Variants in ZC3H12B observed in about 807,000 individuals in gnomAD.
The protein encoded by ZC3H12B is zinc finger CCCH-type containing 12B, also known as probable ribonuclease ZC3H12B.
Under a neutral mutation model 43.9 loss-of-function variants are expected in ZC3H12B, and 7 were observed. That is an observed-to-expected ratio of 0.16 (90% confidence interval 0.09 to 0.30). The LOEUF is 0.30. Ranked by LOEUF, ZC3H12B falls within the 10% of genes least tolerant of loss-of-function variation. The probability of loss-of-function intolerance (pLI) is 1.00; values close to 1 mark genes in which losing one functional copy is unlikely to be tolerated. For synonymous variants in ZC3H12B, 222 were observed against 241.7 expected, an observed-to-expected ratio of 0.92 and a Z score of 0.76; for missense variants, 475 against 670.2, an observed-to-expected ratio of 0.71 and a Z score of 3.22.
the ZC3H12B span, among the ~76,000 whole-genome samples, chrX:65,231,487 A>G: frequency 9.0e-6 from 1 of 110,858 alleles, no homozygotes; most frequent in Non-Finnish European, 1.9e-5. Context: ...CTCAATCCTT[A>G]TCTTAACCGC....
At chrX:65,103,413 A>T in the ZC3H12B span, among the ~76,000 whole-genome samples, 2 of 111,925 alleles carry the variant, frequency 1.8e-5, no homozygotes, top group East Asian at 5.6e-4. Context: ...CAAGGTGCCC[A>T]GATTTCATAT....
chrX:65,211,198 G>A, the ZC3H12B span, among the ~76,000 whole-genome samples: 6 of 108,466 alleles, frequency 5.5e-5, 1 homozygote, highest in Admixed American at 6.0e-4. Flanking sequence ...TGTAGATTCT[G>A]GATATTAGCC....
At chrX:65,354,148 C>G in the ZC3H12B span, among the ~76,000 whole-genome samples, 1 of 112,274 alleles carries the variant, frequency 8.9e-6, no homozygotes, top group South Asian at 3.7e-4. Context: ...AAGTGGGTCC[C>G]TAACTCCTGT....
At chrX:65,169,960 A>C in the ZC3H12B span, among the ~76,000 whole-genome samples, 7 of 111,854 alleles carry the variant, frequency 6.3e-5, no homozygotes, top group South Asian at 1.9e-3. Context: ...TGAATACAGC[A>C]TACTGATGGG....
the ZC3H12B span, among the ~76,000 whole-genome samples, chrX:65,084,701 G>C: frequency 3.5e-5 from 4 of 112,728 alleles, no homozygotes; most frequent in African/African-American, 9.7e-5. Flanking sequence ...TAGTTTGGAG[G>C]CTCCTCACAA....
At chrX:65,257,021 C>T in the ZC3H12B span, among the ~76,000 whole-genome samples, 3 of 111,967 alleles carry the variant, frequency 2.7e-5, no homozygotes, top group Non-Finnish European at 3.8e-5. Flanking sequence ...TAAACTAGTT[C>T]AACAATTGTG....
the ZC3H12B span, among the ~76,000 whole-genome samples, chrX:65,307,346 A>G: frequency 1.8e-5 from 2 of 111,790 alleles, no homozygotes; most frequent in African/African-American, 6.5e-5. Flanking sequence ...AGCACCCTCA[A>G]ATGCCTAAGG....
chrX:65,369,629 C>T (rs2066218839), intron 2 of ZC3H12B, among the ~76,000 whole-genome samples: 1 of 111,394 alleles, frequency 9.0e-6, no homozygotes, highest in Admixed American at 9.6e-5. Context: ...TTTACAACCA[C>T]AATATATGCA....
chrX:65,180,297 T>A, the ZC3H12B span, among the ~76,000 whole-genome samples: 1 of 111,912 alleles, frequency 8.9e-6, no homozygotes, highest in Non-Finnish European at 1.9e-5. Flanking sequence ...TTTGATAAAT[T>A]TCAACATCTC....
the ZC3H12B span, chrX:65,331,123 G>A: frequency 3.4e-6 from 1 of 290,391 alleles, no homozygotes; most frequent in Non-Finnish European, 6.7e-6. Flanking sequence ...TCACTTGTTT[G>A]TCCTTTATGG....
chrX:65,153,945 T>C, the ZC3H12B span, among the ~76,000 whole-genome samples: 1 of 110,411 alleles, frequency 9.1e-6, no homozygotes, highest in African/African-American at 3.3e-5. Context: ...ATGGATGAAA[T>C]TGGAAATCAT....
At chrX:65,182,519 A>T in the ZC3H12B span, among the ~76,000 whole-genome samples, 1 of 111,466 alleles carries the variant, frequency 9.0e-6, no homozygotes, top group East Asian at 2.8e-4. Flanking sequence ...AGGCCATGGC[A>T]AAGATTTCAT....
the ZC3H12B span, among the ~76,000 whole-genome samples, chrX:65,187,833 A>G: frequency 9.1e-6 from 1 of 110,426 alleles, no homozygotes; most frequent in African/African-American, 3.3e-5. Context: ...ATTTTTAGTT[A>G]TTTTAAAATA....
the ZC3H12B span, among the ~76,000 whole-genome samples, chrX:65,300,049 G>A: frequency 8.9e-6 from 1 of 112,560 alleles, no homozygotes; most frequent in Middle Eastern, 4.6e-3. Flanking sequence ...TCTCACAAGG[G>A]TGTTTGGGTA....
At chrX:65,170,360 C>A in the ZC3H12B span, among the ~76,000 whole-genome samples, 1 of 111,829 alleles carries the variant, frequency 8.9e-6, no homozygotes, top group Non-Finnish European at 1.9e-5. Context: ...TGAATATTTG[C>A]CCCCACTGTC....
chrX:65,336,323 C>A, the ZC3H12B span, among the ~76,000 whole-genome samples: 2 of 111,144 alleles, frequency 1.8e-5, no homozygotes, highest in African/African-American at 6.5e-5. Context: ...GGCAACCCAG[C>A]CCGCTACACC....
chrX:65,186,947 G>C, the ZC3H12B span, among the ~76,000 whole-genome samples: 1 of 111,655 alleles, frequency 9.0e-6, no homozygotes, highest in East Asian at 2.8e-4. Context: ...GTGGGCATTT[G>C]GGCTGGTTCC....
At chrX:65,073,232 G>A in the ZC3H12B span, among the ~76,000 whole-genome samples, 2 of 112,974 alleles carry the variant, frequency 1.8e-5, no homozygotes. Flanking sequence ...TGGTGGGACA[G>A]AGAAGGCAAA....
chrX:65,330,338 T>A, the ZC3H12B span, among the ~76,000 whole-genome samples: 100 of 111,901 alleles, frequency 8.9e-4, no homozygotes, highest in African/African-American at 3.1e-3. Flanking sequence ...TATACAATCA[T>A]GTCATCTGCA....
Sources: gnomAD v4.1 joint callset for allele counts (sites outside exome capture counted in the v4.1 genomes callset) on GRCh38, gnomAD v4.1.1 for gene constraint, MANE v1.5 for transcripts, NCBI Gene and HGNC (gene_info 2026-07-23, HGNC 2026-07-21) for gene names.